The following SHISA9 variants were observed in gnomAD, a reference collection of about 807,000 sequenced individuals.
SHISA9 encodes the protein shisa family member 9.
A neutral mutation model predicts 38.0 loss-of-function variants in SHISA9; 13 were observed. That is an observed-to-expected ratio of 0.34 (90% CI 0.22 to 0.54). The LOEUF (loss-of-function observed/expected upper bound fraction) is 0.54, where lower values mean the gene tolerates loss of function less well. Ranked by LOEUF, SHISA9 falls within the 20% of genes least tolerant of loss-of-function variation. SHISA9 has a pLI of 0.91. For synonymous variants in SHISA9, 275 were observed against 242.0 expected (o/e 1.14, Z -1.27); for missense variants, 538 against 575.8 (o/e 0.93, Z 0.67).
the SHISA9 span, among the ~76,000 whole-genome samples, chr16:13,295,810 C>A: frequency 6.6e-6 from 1 of 152,014 alleles, no homozygotes; most frequent in African/African-American, 2.4e-5. Context: ...TCTAGAGGAC[C>A]AATGCATGAA....
chr16:13,171,873 A>G (rs1425909154), intron 2 of SHISA9, among the ~76,000 whole-genome samples: 1 of 152,194 alleles, frequency 6.6e-6, no homozygotes, highest in African/African-American at 2.4e-5. Flanking sequence ...TGCTGAGTGA[A>G]TAGCTTTCTC....
At chr16:13,155,857 T>A (rs938324666) in intron 2 of SHISA9, among the ~76,000 whole-genome samples, 4 of 151,920 alleles carry the variant, frequency 2.6e-5, no homozygotes, top group African/African-American at 9.7e-5. Context: ...ATTTCTCTGC[T>A]TTTTTTTCTT....
chr16:13,161,195 A>G (rs2050592192), intron 2 of SHISA9, among the ~76,000 whole-genome samples: 1 of 152,088 alleles, frequency 6.6e-6, no homozygotes, highest in Admixed American at 6.6e-5. Flanking sequence ...GGTTTTAGAG[A>G]TGTCTGTGGG....
intron 2 of SHISA9, among the ~76,000 whole-genome samples, chr16:13,023,401 T>G (rs2072881922): frequency 6.6e-6 from 1 of 152,236 alleles, no homozygotes; most frequent in Non-Finnish European, 1.5e-5. Flanking sequence ...TGCCACATTT[T>G]CTTAATGCAG....
chr16:13,120,845 G>A (rs2050202851), intron 2 of SHISA9, among the ~76,000 whole-genome samples: 1 of 152,140 alleles, frequency 6.6e-6, no homozygotes, highest in Non-Finnish European at 1.5e-5. Context: ...AGCACATAGG[G>A]TTCTTCAGGA....
At chr16:13,542,367 A>G in the SHISA9 span, among the ~76,000 whole-genome samples, 2 of 152,206 alleles carry the variant, frequency 1.3e-5, no homozygotes, top group African/African-American at 4.8e-5. Context: ...CAGGCACTGA[A>G]CTTTCACAAC....
intron 2 of SHISA9, among the ~76,000 whole-genome samples, chr16:13,052,185 A>G (rs898731785): frequency 6.6e-6 from 1 of 152,156 alleles, no homozygotes; most frequent in Non-Finnish European, 1.5e-5. Context: ...CCAAGAAAAG[A>G]AAAAAAAGAA....
chr16:13,137,525 G>A (rs147469382), intron 2 of SHISA9, among the ~76,000 whole-genome samples: 4,424 of 149,718 alleles, frequency 0.03, 86 homozygotes, highest in Non-Finnish European at 0.042. Context: ...GTGAGATCTC[G>A]GCTCACTGCA....
chr16:13,190,096 A>G (rs964680080), intron 2 of SHISA9, among the ~76,000 whole-genome samples: 1 of 129,972 alleles, frequency 7.7e-6, no homozygotes, highest in Admixed American at 7.8e-5. Flanking sequence ...TTTTTTTTTT[A>G]TGCTTTAAGT....
chr16:12,948,152 C>T (rs867063443), intron 2 of SHISA9, among the ~76,000 whole-genome samples: 7 of 152,160 alleles, frequency 4.6e-5, no homozygotes, highest in African/African-American at 1.4e-4. Flanking sequence ...GATATCTATG[C>T]CATTAGCCCT....
intron 2 of SHISA9, among the ~76,000 whole-genome samples, chr16:13,039,645 A>G (rs1350175149): frequency 4.6e-5 from 7 of 152,186 alleles, no homozygotes. Context: ...TAAATCAATA[A>G]ACAGTGTGGC....
chr16:13,560,197 T>G, the SHISA9 span, among the ~76,000 whole-genome samples: 3 of 151,960 alleles, frequency 2.0e-5, no homozygotes, highest in Non-Finnish European at 4.4e-5. Flanking sequence ...TGTACAGGAG[T>G]CTAAGGCTTA....
the SHISA9 span, among the ~76,000 whole-genome samples, chr16:13,481,721 G>A: frequency 6.6e-6 from 1 of 152,196 alleles, no homozygotes; most frequent in Non-Finnish European, 1.5e-5. Flanking sequence ...TGCCTTCTCT[G>A]GGAGGGAAGG....
At chr16:13,074,811 C>T (rs2073562359) in intron 2 of SHISA9, among the ~76,000 whole-genome samples, 1 of 151,484 alleles carries the variant, frequency 6.6e-6, no homozygotes, top group African/African-American at 2.4e-5. Context: ...ATTACAGGCA[C>T]ATGCCACCAT....
chr16:12,986,219 T>C (rs1374743986), intron 2 of SHISA9, among the ~76,000 whole-genome samples: 1 of 152,332 alleles, frequency 6.6e-6, no homozygotes, highest in African/African-American at 2.4e-5. Context: ...ATTTCCATAG[T>C]GGGTATTAAA....
chr16:13,063,968 G>C (rs755090560), intron 2 of SHISA9, among the ~76,000 whole-genome samples: 21 of 152,190 alleles, frequency 1.4e-4, no homozygotes, highest in African/African-American at 4.8e-4. Flanking sequence ...TAATTTTAAG[G>C]CTTCCAGGCC....
chr16:13,090,323 T>A (rs532144871), intron 2 of SHISA9, among the ~76,000 whole-genome samples: 2 of 152,292 alleles, frequency 1.3e-5, no homozygotes, highest in East Asian at 3.9e-4. Context: ...TAGGTCTCCT[T>A]TTTGCAGAGC....
intron 2 of SHISA9, among the ~76,000 whole-genome samples, chr16:13,075,748 G>A (rs964974367): frequency 6.6e-6 from 1 of 152,266 alleles, no homozygotes; most frequent in Non-Finnish European, 1.5e-5. Context: ...AGATGAAGTA[G>A]GCCAGCAGAA....
the SHISA9 span, among the ~76,000 whole-genome samples, chr16:13,298,558 T>A: frequency 6.6e-6 from 1 of 152,178 alleles, no homozygotes; most frequent in South Asian, 2.1e-4. Context: ...AGTGCTTAAG[T>A]ACATTCCTCA....
Sources: allele counts gnomAD v4.1 joint callset (sites outside exome capture counted in the v4.1 genomes callset), GRCh38; gene constraint gnomAD v4.1.1; transcripts MANE v1.5; gene names NCBI Gene and HGNC (gene_info 2026-07-23, HGNC 2026-07-21).